GLIS3: variants seen among roughly 807,000 people sequenced by gnomAD.
GLIS3 encodes the protein GLIS family zinc finger 3.
Under a neutral mutation model 78.6 loss-of-function variants are expected in GLIS3, and 53 were observed. The observed-to-expected ratio is 0.67, with a 90% CI of 0.54 to 0.85. GLIS3 has a LOEUF of 0.85. GLIS3 is among the 40% of genes least tolerant of loss of function. The probability of loss-of-function intolerance (pLI) is 0.00; values close to 1 mark genes in which losing one functional copy is unlikely to be tolerated. For synonymous variants in GLIS3, 684 were observed against 509.9 expected, an observed-to-expected ratio of 1.34 and a Z score of -4.60; for missense variants, 1,703 against 1,231.1, an observed-to-expected ratio of 1.38 and a Z score of -5.74.
intron 4 of GLIS3, among the ~76,000 whole-genome samples, chr9:3,995,350 T>A (rs1029614301): frequency 6.6e-6 from 1 of 152,068 alleles, no homozygotes; most frequent in African/African-American, 2.4e-5. Flanking sequence ...TGACAACTAC[T>A]CCATGGAAGA....
intron 4 of GLIS3, among the ~76,000 whole-genome samples, chr9:4,104,767 C>G (rs113830977): frequency 0.01 from 1,542 of 152,296 alleles, 27 homozygotes; most frequent in African/African-American, 0.035. Context: ...CTGCCTGGAA[C>G]TTTCCTCCCC....
At chr9:4,100,686 G>C (rs143364897) in intron 4 of GLIS3, among the ~76,000 whole-genome samples, 1 of 152,118 alleles carries the variant, frequency 6.6e-6, no homozygotes, top group Admixed American at 6.5e-5. Context: ...TCTACAAGTA[G>C]TAGTATAGAA....
chr9:4,109,188 A>C (rs1324143151), intron 4 of GLIS3, among the ~76,000 whole-genome samples: 1 of 152,224 alleles, frequency 6.6e-6, no homozygotes, highest in Non-Finnish European at 1.5e-5. Context: ...AAAAATCTTG[A>C]AAAGGCTGAC....
intron 4 of GLIS3, among the ~76,000 whole-genome samples, chr9:3,969,779 G>A (rs1454271083): frequency 2.0e-5 from 3 of 152,182 alleles, no homozygotes; most frequent in Non-Finnish European, 2.9e-5. Flanking sequence ...CCAGATGGTT[G>A]CTTTCAGTCA....
intron 4 of GLIS3, among the ~76,000 whole-genome samples, chr9:3,938,312 G>C (rs116427054): frequency 1.1e-4 from 17 of 152,322 alleles, no homozygotes; most frequent in African/African-American, 3.4e-4. Context: ...AGGAATGCAG[G>C]GGGGTGAGGG....
chr9:3,888,311 A>G (rs1465639965), intron 7 of GLIS3, among the ~76,000 whole-genome samples: 1 of 152,184 alleles, frequency 6.6e-6, no homozygotes, highest in Non-Finnish European at 1.5e-5. Flanking sequence ...TACCTGTACC[A>G]TGTTGACCAC....
intron 5 of GLIS3, 121 bp downstream of exon 5, chr9:3,936,907 C>G (rs1445342): frequency 2.9e-6 from 4 of 1,367,202 alleles, no homozygotes; most frequent in Non-Finnish European, 4.2e-6. Context: ...CACTGCTGCC[C>G]TTGGCATTGT....
intron 2 of GLIS3, among the ~76,000 whole-genome samples, chr9:4,272,945 ATAAAG>A (rs1384110772): frequency 6.6e-6 from 1 of 152,230 alleles, no homozygotes; most frequent in African/African-American, 2.4e-5. Flanking sequence ...CCCTACCTAA[ATAAAG>A]TAAAATCTTT....
intron 2 of GLIS3, among the ~76,000 whole-genome samples, chr9:4,145,731 C>T (rs2131010778): frequency 6.6e-6 from 1 of 152,004 alleles, no homozygotes; most frequent in East Asian, 1.9e-4. Context: ...TGCCAGCTTC[C>T]CTCCTCCCTT....
At chr9:4,385,735 GAAAAAGAAAGAAAGAA>G in the GLIS3 span, among the ~76,000 whole-genome samples, 3 of 17,654 alleles carry the variant, frequency 1.7e-4, 1 homozygote, top group East Asian at 2.3e-3. Context: ...AAGAAAGAAA[GAAAAAGAAAGAAAGAA>G]AGAAAGAAAG....
At chr9:3,943,102 G>A (rs763704293) in intron 4 of GLIS3, among the ~76,000 whole-genome samples, 8 of 152,118 alleles carry the variant, frequency 5.3e-5, no homozygotes, top group African/African-American at 9.7e-5. Context: ...CTTCTCCTTC[G>A]ATGGACTTCG....
At chr9:4,084,256 A>AACACACACACACAC (rs370384726) in intron 4 of GLIS3, among the ~76,000 whole-genome samples, 1,480 of 132,142 alleles carry the variant, frequency 0.011, 20 homozygotes, top group South Asian at 0.029. Context: ...TCCTCTCTCT[A>AACACACACACACAC]ACACACACAC....
Position 4,269,321 on chromosome 9 carries a change from ACAAGAC to A in GLIS3, c.388+16711_388+16716del, listed in dbSNP as rs139643107. The stretch of plus-strand genomic sequence containing the variant: ...TAATATCATATGCACAAATCATGTG[ACAAGAC>A]CTGTCCCACCAGTCTTGATCTGCGC... On this transcript the variant is annotated intron_variant, in intron 2 of 10. Transcript: ENST00000381971. Among the ~76,000 whole-genome samples, 219 of 152,298 alleles carry A rather than the reference ACAAGAC, an allele frequency of 1.4e-3. 2 individuals carry two copies. The highest frequency in any genetic ancestry group is 0.012 in the Admixed American group (187 of 15,300).
intron 2 of GLIS3, among the ~76,000 whole-genome samples, chr9:4,345,779 G>C (rs549339927): frequency 2.4e-4 from 36 of 152,276 alleles, no homozygotes; most frequent in African/African-American, 7.9e-4. Context: ...AGAAGATAAA[G>C]CAAAAAGAGC....
At chr9:4,368,313 T>C in the GLIS3 span, among the ~76,000 whole-genome samples, 16 of 150,120 alleles carry the variant, frequency 1.1e-4, no homozygotes, top group African/African-American at 3.4e-4. Context: ...GAAAGAGCAC[T>C]GGGTAGGGAG....
chr9:4,375,069 C>T, the GLIS3 span, among the ~76,000 whole-genome samples: 1 of 152,192 alleles, frequency 6.6e-6, no homozygotes, highest in Admixed American at 6.5e-5. Flanking sequence ...TGATTGCTCT[C>T]TGCTTGATCT....
At chr9:3,992,889 T>G (rs921612710) in intron 4 of GLIS3, among the ~76,000 whole-genome samples, 3 of 152,166 alleles carry the variant, frequency 2.0e-5, no homozygotes, top group African/African-American at 7.2e-5. Flanking sequence ...TTTCTTTAGT[T>G]TCGTTTGAGG....
At chr9:4,451,855 T>C in the GLIS3 span, among the ~76,000 whole-genome samples, 5 of 151,570 alleles carry the variant, frequency 3.3e-5, no homozygotes, top group African/African-American at 1.2e-4. Flanking sequence ...ACAGTGTGTA[T>C]ACAGGGAAAT....
chr9:4,188,385 G>A (rs1345487939), intron 2 of GLIS3, among the ~76,000 whole-genome samples: 1 of 149,096 alleles, frequency 6.7e-6, no homozygotes, highest in Non-Finnish European at 1.5e-5. Context: ...ATGTGCTGCT[G>A]GATTTGGTTT....
Sources: gnomAD v4.1 joint callset for allele counts (sites outside exome capture counted in the v4.1 genomes callset) on GRCh38, gnomAD v4.1.1 for gene constraint, MANE v1.5 for transcripts, NCBI Gene and HGNC (gene_info 2026-07-23, HGNC 2026-07-21) for gene names.